The following HEG1 variants were observed in gnomAD, a reference collection of about 807,000 sequenced individuals.
HEG1 encodes protein HEG homolog 1.
HEG1 carries 56 observed loss-of-function variants against 125.6 expected under a neutral mutation model. That is an observed-to-expected ratio of 0.45 (90% CI 0.36 to 0.56). The LOEUF is 0.56. Ranked by LOEUF, HEG1 falls within the 20% of genes least tolerant of loss-of-function variation. The probability of loss-of-function intolerance (pLI) is 0.00; values close to 1 mark genes in which losing one functional copy is unlikely to be tolerated. For synonymous variants in HEG1, 644 were observed against 668.5 expected (o/e 0.96, Z 0.57); for missense variants, 1,523 against 1,670.0 (o/e 0.91, Z 1.53).
intron 1 of HEG1, among the ~76,000 whole-genome samples, chr3:125,042,711 G>T (rs920120203): frequency 6.6e-6 from 1 of 152,170 alleles, no homozygotes; most frequent in Non-Finnish European, 1.5e-5. Flanking sequence ...CAGACAGCAG[G>T]GGCCCTTCCC....
intron 8 of HEG1, among the ~76,000 whole-genome samples, chr3:125,006,178 C>T (rs144110069): frequency 1.8e-4 from 27 of 152,182 alleles, no homozygotes; most frequent in African/African-American, 2.9e-4. Context: ...ATGGGGCTGC[C>T]GACTCCATGA....
chr3:124,997,586 T>A lies in HEG1; in HGVS notation c.3652+103A>T, dbSNP rs189225605. On this transcript the variant is annotated intron_variant, in intron 12 of 16. Coordinates refer to ENST00000311127, the MANE Select transcript of HEG1 (RefSeq NM_020733.2). ...AGAACCAGTTACCCTCAGTTTAGAA[T>A]GGTCACGCCTAAGCAAAGACAGAGA... 4 of 1,129,918 alleles carry A rather than the reference T, an allele frequency of 3.5e-6. No homozygotes were observed. The African/African-American group carries it at 6.2e-5, about 18-fold the overall frequency. The allele number at this position is 1,129,918 out of a possible 1,614,324, so 70.0% of individuals were successfully genotyped here. A position where few individuals can be genotyped will look rare whatever the true frequency, so the allele number is the denominator to read the frequency against.
At chr3:125,008,556 G>A (rs1054596207) in intron 8 of HEG1, among the ~76,000 whole-genome samples, 10 of 152,114 alleles carry the variant, frequency 6.6e-5, no homozygotes, top group South Asian at 2.1e-4. Context: ...ATCCCAGCAC[G>A]TTGGGAGGCC....
At chr3:125,028,829 G>A (rs1937454416) in intron 2 of HEG1, among the ~76,000 whole-genome samples, 1 of 152,084 alleles carries the variant, frequency 6.6e-6, no homozygotes, top group African/African-American at 2.4e-5. Flanking sequence ...TGCACACCAG[G>A]GCAAGAACAA....
rs1266802998 is a variant in HEG1, at chr3:124,967,262, A to G, written c.*3390T>C. ...GCCTTACCACGGGAACAAGGCAAGCAGCTCTCAGATGGATGTGTATGTCTG... is the reference window on the plus strand; with the variant it reads ...GCCTTACCACGGGAACAAGGCAAGCGGCTCTCAGATGGATGTGTATGTCTG... On this transcript the variant is annotated 3_prime_UTR_variant, in exon 17 of 17. Transcript: ENST00000311127. The G allele has an allele frequency of 6.6e-6, 1 of 152,208 alleles. No individual in the cohort carries two copies. The highest frequency in any genetic ancestry group is 1.5e-5 in the Non-Finnish European group (1 of 68,040). The allele number at this position is 152,208 out of a possible 1,614,324, so 9.4% of individuals were successfully genotyped here.
chr3:125,047,894 C>G (rs1009372554), intron 1 of HEG1, among the ~76,000 whole-genome samples: 1 of 152,160 alleles, frequency 6.6e-6, no homozygotes, highest in Admixed American at 6.5e-5. Context: ...TGGCCTCTGC[C>G]CTCTTCTTGT....
intron 6 of HEG1, among the ~76,000 whole-genome samples, chr3:125,011,701 G>C (rs1253160281): frequency 6.6e-6 from 1 of 152,142 alleles, no homozygotes; most frequent in Non-Finnish European, 1.5e-5. Flanking sequence ...GGTTGGAACT[G>C]TGCTGCTCCC....
rs1936321712 is a variant in HEG1, at chr3:124,966,756, A to C, written c.*3896T>G. On this transcript the variant is annotated 3_prime_UTR_variant, in exon 17 of 17. Coordinates refer to ENST00000311127, the MANE Select transcript of HEG1 (RefSeq NM_020733.2). ...GTTAGGCTAAACTTAGCCAAGGGCA[A>C]CTGGAGTGGACAGCTCCTCTTCCTC... 6.6e-6 allele frequency: 1 copy of C among 152,268 alleles called. No individual in the cohort carries two copies. The highest frequency in any genetic ancestry group is 6.5e-5 in the Admixed American group (1 of 15,284). 9.4% of individuals were successfully genotyped at this position (152,268 alleles called of 1,614,324 possible).
intron 12 of HEG1, among the ~76,000 whole-genome samples, chr3:124,996,433 T>A (rs1407311049): frequency 1.3e-5 from 2 of 152,246 alleles, no homozygotes; most frequent in Non-Finnish European, 2.9e-5. Context: ...TTAAAGCAGA[T>A]AAGATGGCAT....
At chr3:125,055,133 G>A (rs1168696269) in intron 1 of HEG1, among the ~76,000 whole-genome samples, 3 of 152,058 alleles carry the variant, frequency 2.0e-5, no homozygotes, top group Non-Finnish European at 4.4e-5. Context: ...ACAATATCCC[G>A]TCCTAGAACC....
At position 124,965,897 on chromosome 3, in the gene HEG1, A is replaced by G. The variant is rs990842070; in HGVS notation, c.*4755T>C. ...TCTCATAATGGGTTTAACACAATCA[A>G]CCAGGGGCTAAGGTTTAAAGGTTTA... On this transcript the variant is annotated 3_prime_UTR_variant, in exon 17 of 17. Transcript: ENST00000311127. 1.3e-5 allele frequency: 2 copies of G among 152,168 alleles called. No homozygotes were observed. The highest frequency in any genetic ancestry group is 2.4e-5 in the African/African-American group (1 of 41,442). 9.4% of individuals were successfully genotyped at this position (152,168 alleles called of 1,614,324 possible). A position where few individuals can be genotyped will look rare whatever the true frequency, so the allele number is the denominator to read the frequency against.
At chr3:125,001,786 G>C in intron 11 of HEG1, 66 bp downstream of exon 11, 1 of 1,539,492 alleles carries the variant, frequency 6.5e-7, no homozygotes, top group Non-Finnish European at 8.8e-7. Context: ...TGGATGCCTT[G>C]CATTTCCATC....
At chr3:124,995,910 G>A (rs1156797015) in intron 12 of HEG1, among the ~76,000 whole-genome samples, 1 of 152,170 alleles carries the variant, frequency 6.6e-6, no homozygotes, top group Non-Finnish European at 1.5e-5. Flanking sequence ...AGTGGCGCAG[G>A]CCAGCCAGAA....
In HEG1 at chr3:125,012,693, A is replaced by T. The variant is rs1937173392; in HGVS notation, c.2886T>A (p.Ala962=). 6.2e-7 allele frequency: 1 copy of T among 1,613,758 alleles called. No homozygotes were observed. Among genetic ancestry groups the T allele is most frequent in the African/African-American group, 1.3e-5 (1 of 74,906 alleles). ...GAACAGCAAAGGTGGCAGATTTGGG[A>T]GCCAAGTCTTCAGCCGTGGAAACAA... The part of the protein sequence containing the change: ...TTVVSTAEDL[A]PKSATFAVQS... Residue 962 remains alanine, a synonymous_variant, in exon 6 of 17, where the codon GCT becomes GCA. Transcript: ENST00000311127.
At chr3:125,055,063 T>C (rs1039871906) in intron 1 of HEG1, among the ~76,000 whole-genome samples, 1 of 152,206 alleles carries the variant, frequency 6.6e-6, no homozygotes, top group Non-Finnish European at 1.5e-5. Context: ...CGCGTTCCTT[T>C]GCTTTTAAGT....
rs565352433 is a variant in HEG1 at position 125,005,888 on chromosome 3, T to G, written c.3194-520A>C. Among the ~76,000 whole-genome samples, 12 of 152,284 alleles carry G rather than the reference T, an allele frequency of 7.9e-5. No homozygotes were observed. In the South Asian group the frequency reaches 2.3e-3, roughly 29 times the overall value. On this transcript the variant is annotated intron_variant, in intron 8 of 16. Coordinates refer to ENST00000311127, the MANE Select transcript of HEG1 (RefSeq NM_020733.2). ...TCAAGGGGGTGCTTCAGTTTCCTCTTGTCCTTAGAGCCACACCCATCCAAA... is the reference window on the plus strand; with the variant it reads ...TCAAGGGGGTGCTTCAGTTTCCTCTGGTCCTTAGAGCCACACCCATCCAAA...
At position 124,966,747 on chromosome 3, in the gene HEG1, C is replaced by G. The variant is rs1936321508; in HGVS notation, c.*3905G>C. ...ACCCTGTGTGTTAGGCTAAACTTAG[C>G]CAAGGGCAACTGGAGTGGACAGCTC... On this transcript the variant is annotated 3_prime_UTR_variant, in exon 17 of 17. Coordinates refer to ENST00000311127, the MANE Select transcript of HEG1 (RefSeq NM_020733.2). 6.6e-6 allele frequency: 1 copy of G among 152,232 alleles called. No homozygotes were observed. Among genetic ancestry groups the G allele is most frequent in the African/African-American group, 2.4e-5 (1 of 41,456 alleles). 9.4% of individuals were successfully genotyped at this position (152,232 alleles called of 1,614,324 possible).
intron 5 of HEG1, among the ~76,000 whole-genome samples, chr3:125,017,431 T>C (rs933543404): frequency 5.3e-5 from 8 of 152,218 alleles, no homozygotes; most frequent in African/African-American, 1.9e-4. Context: ...ACTAGACATA[T>C]TCAAAGAAGA....
Position 124,970,626 on chromosome 3 carries a change from G to A in HEG1, c.*26C>T. 2 of 1,577,780 alleles carry A rather than the reference G, an allele frequency of 1.3e-6. No homozygotes were observed. The highest frequency in any genetic ancestry group is 1.7e-6 in the Non-Finnish European group (2 of 1,160,260). ...AGAGGTCCCAGGTGACTGGCTCAGA[G>A]CAATGAGTCCCTCTCTCTCCTGGAC... On this transcript the variant is annotated 3_prime_UTR_variant, in exon 17 of 17. Coordinates refer to ENST00000311127, the MANE Select transcript of HEG1 (RefSeq NM_020733.2).
Sources: gnomAD v4.1 joint callset for allele counts (sites outside exome capture counted in the v4.1 genomes callset) on GRCh38, gnomAD v4.1.1 for gene constraint, MANE v1.5 for transcripts, NCBI Gene and HGNC (gene_info 2026-07-23, HGNC 2026-07-21) for gene names.